OSBPL5: variants seen among roughly 807,000 people sequenced by gnomAD.
OSBPL5 encodes oxysterol binding protein like 5.
In OSBPL5, 71 loss-of-function variants were observed where a neutral mutation model predicts 111.2. The observed-to-expected ratio is 0.64, with a 90% CI of 0.53 to 0.78. The LOEUF (loss-of-function observed/expected upper bound fraction) is 0.78. Ranked by LOEUF, OSBPL5 falls within the 30% of genes least tolerant of loss-of-function variation. The pLI, the probability that OSBPL5 is intolerant of heterozygous loss-of-function variation, is 0.00. For missense variants in OSBPL5, 1,210 were observed against 1,189.3 expected (o/e 1.02, Z -0.26); for synonymous variants, 549 against 513.9 (o/e 1.07, Z -0.93).
At position 3,129,112 on chromosome 11, in the gene OSBPL5, G is replaced by A. The variant is rs777475059; in HGVS notation, c.37C>T (p.Leu13=). 23 of 1,517,112 alleles carry A rather than the reference G, an allele frequency of 1.5e-5. No homozygotes were observed. The highest frequency in any genetic ancestry group is 1.8e-4 in the Middle Eastern group (1 of 5,548). 94.0% of individuals were successfully genotyped at this position (1,517,112 alleles called of 1,614,324 possible). A position where few individuals can be genotyped will look rare whatever the true frequency, so the allele number is the denominator to read the frequency against. The change falls in exon 2 of 22, where the codon CTG becomes TTG. Residue 13 remains leucine, a synonymous_variant. Transcript: ENST00000263650. ...EEAFLRRRFS[L]CPPSSTPQKV... is the part of the protein sequence containing the mutation. Reference sequence around the variant, plus strand: ...TGAGGGGTGGAGGAAGGTGGACACAGGGAGAAGCGGCGCCGGAGGAAGGCC... The same window carrying A: ...TGAGGGGTGGAGGAAGGTGGACACAAGGAGAAGCGGCGCCGGAGGAAGGCC...
intron 2 of OSBPL5, among the ~76,000 whole-genome samples, chr11:3,127,440 C>A (rs994547427): frequency 6.6e-6 from 1 of 151,838 alleles, no homozygotes; most frequent in African/African-American, 2.4e-5. Context: ...TGGATGGGGA[C>A]GAAGAACGGA....
At position 3,104,192 on chromosome 11, in the gene OSBPL5, C is replaced by A. The variant is rs1377094525; in HGVS notation, c.1244+1G>T. The A allele has an allele frequency of 6.2e-7, 1 of 1,603,052 alleles. No individual in the cohort carries two copies. The highest frequency in any genetic ancestry group is 1.1e-5 in the South Asian group (1 of 90,718). ...GGTGCCCCTCCCGGCATGGCGCGCA[C>A]CTGGAGAGCAGGTCTGCGTGGTAGT... is the stretch of plus-strand genomic sequence containing the variant. On this transcript the variant is annotated splice_donor_variant, in intron 10 of 21. Transcript: ENST00000263650. LOFTEE classifies it high-confidence loss of function. The surrounding 1 kb of genome is among the most constrained non-coding windows in gnomAD (Gnocchi z 5.0).
Position 3,088,087 on chromosome 11 carries a change from C to T in OSBPL5, c.*118G>A, listed in dbSNP as rs905985928. On this transcript the variant is annotated 3_prime_UTR_variant, in exon 22 of 22. Transcript: ENST00000263650. ...GCCCCGGGTCCCTCCTGCGCCTGGACTCCCCGTCACAGTGGCTGTGCTTGC... is the reference window on the plus strand; with the variant it reads ...GCCCCGGGTCCCTCCTGCGCCTGGATTCCCCGTCACAGTGGCTGTGCTTGC... The T allele has an allele frequency of 3.2e-5, 33 of 1,030,436 alleles. No homozygotes were observed. The East Asian group carries it at 8.8e-4, about 27-fold the overall frequency. The allele number at this position is 1,030,436 out of a possible 1,614,324, so 63.8% of individuals were successfully genotyped here.
intron 1 of OSBPL5, among the ~76,000 whole-genome samples, chr11:3,157,710 C>T (rs972747203): frequency 3.3e-5 from 5 of 152,342 alleles, no homozygotes; most frequent in South Asian, 2.1e-4. Context: ...CTGAGTAACT[C>T]GTTCTCCTCT....
chr11:3,103,221 T>G lies in OSBPL5; in HGVS notation c.1326+18A>C, dbSNP rs1286001373. The G allele has an allele frequency of 6.3e-7, 1 of 1,587,156 alleles. No individual in the cohort carries two copies. ...TCCTGGGCCGGAGCCCCACCCTCCC[T>G]GGCTGGCAGGGGCTCACCTTGGGCT... On this transcript the variant is annotated intron_variant, in intron 11 of 21. Coordinates refer to ENST00000263650, the MANE Select transcript of OSBPL5 (RefSeq NM_020896.4).
At chr11:3,093,307 C>A (rs1325026920) in intron 17 of OSBPL5, 1 of 793,928 alleles carries the variant, frequency 1.3e-6, no homozygotes, top group East Asian at 2.7e-5. Flanking sequence ...GGCAGTGATG[C>A]AGTGAGAGGT....
chr11:3,163,443 C>T (rs117902126), intron 1 of OSBPL5, among the ~76,000 whole-genome samples: 2,293 of 150,744 alleles, frequency 0.015, 21 homozygotes, highest in Non-Finnish European at 0.02. Context: ...TTACTATCAG[C>T]GCTCAGAGTG....
chr11:3,108,087 C>G, intron 7 of OSBPL5, 142 bp from the exon 8 acceptor site: 1 of 1,074,186 alleles, frequency 9.3e-7, no homozygotes, highest in Non-Finnish European at 1.3e-6. Flanking sequence ...TGGCCCTGCC[C>G]CAGCAGGGAC....
chr11:3,149,488 C>T (rs911053670), intron 1 of OSBPL5, among the ~76,000 whole-genome samples: 4 of 152,228 alleles, frequency 2.6e-5, no homozygotes, highest in African/African-American at 4.8e-5. Flanking sequence ...GAGTGCTTGC[C>T]GCTCCATGAG....
intron 1 of OSBPL5, among the ~76,000 whole-genome samples, chr11:3,156,342 CAAG>C (rs1346190192): frequency 1.3e-5 from 2 of 152,222 alleles, no homozygotes; most frequent in East Asian, 1.9e-4. Context: ...ACCACACAGA[CAAG>C]AAGAGGTTGC....
chr11:3,158,339 T>C (rs1165895304), intron 1 of OSBPL5, among the ~76,000 whole-genome samples: 1 of 152,252 alleles, frequency 6.6e-6, no homozygotes, highest in Admixed American at 6.5e-5. Context: ...GCTCTTTTCC[T>C]CTGCCCCAAG....
intron 14 of OSBPL5, among the ~76,000 whole-genome samples, chr11:3,095,201 G>C (rs368159337): frequency 3.3e-5 from 5 of 151,784 alleles, no homozygotes; most frequent in Admixed American, 6.6e-5. Flanking sequence ...CTGATGGGGG[G>C]AGGTCTCCAG....
intron 21 of OSBPL5, among the ~76,000 whole-genome samples, 191 bp downstream of exon 21, chr11:3,089,655 G>T (rs2134376585): frequency 6.6e-6 from 1 of 152,296 alleles, no homozygotes; most frequent in Non-Finnish European, 1.5e-5. Context: ...CGCACCACCT[G>T]CCGCTCCCAC....
In OSBPL5 at chr11:3,103,756, G is replaced by GT. The variant is rs1554896274; in HGVS notation, c.1244+436_1245-436insA. On this transcript the variant is annotated intron_variant, in intron 10 of 21. Coordinates refer to ENST00000263650, the MANE Select transcript of OSBPL5 (RefSeq NM_020896.4). ...TTCCTGCCTCTGCAACCCTCTTCCAGCTCTGCAGCCCCCTTCCAGCCTCTG... is the reference window on the plus strand; with the variant it reads ...TTCCTGCCTCTGCAACCCTCTTCCAGTCTCTGCAGCCCCCTTCCAGCCTCTG... 3.9e-4 allele frequency among the ~76,000 whole-genome samples: 22 copies of GT among 56,848 alleles called. No homozygotes were observed. In the South Asian group the frequency reaches 7.4e-3, roughly 19 times the overall value. 37.3% of individuals were successfully genotyped at this position (56,848 alleles called of 152,430 possible). A position where few individuals can be genotyped will look rare whatever the true frequency, so the allele number is the denominator to read the frequency against.
intron 1 of OSBPL5, among the ~76,000 whole-genome samples, chr11:3,156,051 A>C (rs1300333641): frequency 6.6e-6 from 1 of 152,226 alleles, no homozygotes; most frequent in African/African-American, 2.4e-5. Context: ...CCACAGCCCT[A>C]TGCTGAGGCA....
chr11:3,102,600 G>A (rs569567502), intron 11 of OSBPL5, among the ~76,000 whole-genome samples: 33 of 152,280 alleles, frequency 2.2e-4, no homozygotes, highest in African/African-American at 7.5e-4. Flanking sequence ...TGAAAGCCAT[G>A]GAAGGCACCA....
rs11025412 is a variant in OSBPL5 at position 3,107,686 on chromosome 11, G to A, written c.866+85C>T. 199,032 of 1,535,858 alleles carry A rather than the reference G, an allele frequency of 0.13. 14,207 individuals carry two copies. The highest frequency in any genetic ancestry group is 0.15 in the Non-Finnish European group (167,359 of 1,130,304). ...GCAGCCTGCAGCCCACCAGAGCAGT[G>A]GCTGGGGCTGTCCTCTCCCCTCTTC... On this transcript the variant is annotated intron_variant, in intron 8 of 21. Transcript: ENST00000263650. The surrounding 1 kb of genome is among the most constrained non-coding windows in gnomAD (Gnocchi z 6.1).
chr11:3,098,495 A>ATTTTTTTTTTTTTTTTTTTTTTTTTT (rs552382553), intron 14 of OSBPL5, among the ~76,000 whole-genome samples: 1 of 81,202 alleles, frequency 1.2e-5, no homozygotes, highest in Non-Finnish European at 2.2e-5. Context: ...ACATGAAGGA[A>ATTTTTTTTTTTTTTTTTTTTTTTTTT]TTTTTTTTTT....
intron 17 of OSBPL5, 79 bp from the exon 18 acceptor site, chr11:3,093,131 C>A (rs1197653221): frequency 2.6e-5 from 37 of 1,397,728 alleles, no homozygotes; most frequent in Non-Finnish European, 3.5e-5. Flanking sequence ...GGCCCCTTGG[C>A]ACCAGAAGGA....
Sources: gnomAD v4.1 joint callset for allele counts (sites outside exome capture counted in the v4.1 genomes callset) on GRCh38, gnomAD v4.1.1 for gene constraint, Gnocchi (gnomAD v3.1) non-coding constraint, MANE v1.5 for transcripts, NCBI Gene and HGNC (gene_info 2026-07-23, HGNC 2026-07-21) for gene names.